Variants in FAM135B observed in about 807,000 individuals in gnomAD.
FAM135B encodes the protein protein FAM135B.
In FAM135B, 43 loss-of-function variants were observed where a neutral mutation model predicts 127.7. The ratio of observed to expected loss-of-function variants is 0.34; its 90% confidence interval spans 0.26 to 0.43. The LOEUF is 0.43. Among genes scored for constraint, FAM135B ranks in the 20% least tolerant of loss-of-function variants. FAM135B has a pLI of 1.00. For synonymous variants in FAM135B, 670 were observed against 665.1 expected (o/e 1.01, Z -0.11); for missense variants, 1,558 against 1,725.6 (o/e 0.90, Z 1.72).
intron 1 of FAM135B, among the ~76,000 whole-genome samples, chr8:138,384,886 G>A (rs1443290199): frequency 1.3e-5 from 2 of 152,040 alleles, no homozygotes; most frequent in Admixed American, 6.6e-5. Flanking sequence ...TCACTCAGCA[G>A]CAGAGGGGAT....
intron 2 of FAM135B, among the ~76,000 whole-genome samples, chr8:138,332,554 C>G (rs188941161): frequency 6.6e-6 from 1 of 152,194 alleles, no homozygotes; most frequent in East Asian, 1.9e-4. Context: ...AAAGATCACA[C>G]TCTTCCTCAC....
intron 6 of FAM135B, among the ~76,000 whole-genome samples, chr8:138,249,649 G>A (rs1278452537): frequency 1.3e-5 from 2 of 151,996 alleles, no homozygotes; most frequent in African/African-American, 4.8e-5. Flanking sequence ...GGTCAGATTG[G>A]GTAACTAATT....
At chr8:138,214,148 CT>C (rs1196517439) in intron 7 of FAM135B, among the ~76,000 whole-genome samples, 1 of 152,102 alleles carries the variant, frequency 6.6e-6, no homozygotes, top group East Asian at 1.9e-4. Context: ...TTGCCCCTGG[CT>C]TTTTTTCAAC....
chr8:138,425,964 C>CATAT (rs11271386), intron 1 of FAM135B, among the ~76,000 whole-genome samples: 1,147 of 109,540 alleles, frequency 0.01, 9 homozygotes, highest in South Asian at 0.016. Context: ...GCCAGGCCAA[C>CATAT]ATATATATAT....
chr8:138,265,054 A>G (rs1822809249), intron 4 of FAM135B, among the ~76,000 whole-genome samples: 1 of 152,208 alleles, frequency 6.6e-6, no homozygotes, highest in Non-Finnish European at 1.5e-5. Flanking sequence ...GAAATTTTCA[A>G]TCAAGTTTCC....
At chr8:138,309,217 C>A (rs1247065410) in intron 3 of FAM135B, among the ~76,000 whole-genome samples, 1 of 152,096 alleles carries the variant, frequency 6.6e-6, no homozygotes, top group African/African-American at 2.4e-5. Context: ...CTGTGGACAT[C>A]AGGGACCTTC....
intron 11 of FAM135B, among the ~76,000 whole-genome samples, chr8:138,168,726 T>C (rs960686410): frequency 5.9e-5 from 9 of 152,352 alleles, no homozygotes; most frequent in African/African-American, 1.7e-4. Context: ...AAAGTGTGTA[T>C]TCCCTTCTCA....
intron 1 of FAM135B, among the ~76,000 whole-genome samples, chr8:138,413,305 C>A (rs1833963005): frequency 6.6e-6 from 1 of 152,028 alleles, no homozygotes. Flanking sequence ...TCTCATCACC[C>A]TTTCATACTT....
rs182909492 is a variant in FAM135B at position 138,153,099 on chromosome 8, T to C, written c.1376A>G (p.Asp459Gly). The C allele has an allele frequency of 2.1e-4, 340 of 1,614,092 alleles. No individual in the cohort carries two copies. In the African/African-American group the frequency reaches 3.9e-3, roughly 19 times the overall value. ...MVNSNLSFRE[D>G]LVLSTIKPSQ... The stretch of plus-strand genomic sequence containing the variant: ...TGGTTTTATGGTAGACAAGACAAGG[T>C]CTTCCCTAAAAGATAAATTGCTATT... Residue 459 changes from aspartate to glycine, a missense_variant, in exon 13 of 20, where the codon GAC becomes GGC. By Grantham distance (94) the Asp-to-Gly change is moderately conservative. Around this residue, in one of 5 missense-constraint regions of FAM135B, gnomAD observed 923 missense variants for 865.3 expected, o/e 1.07. Transcript: ENST00000395297.
intron 1 of FAM135B, among the ~76,000 whole-genome samples, chr8:138,446,290 A>T (rs190838999): frequency 0.058 from 8,881 of 152,224 alleles, 846 homozygotes; most frequent in African/African-American, 0.2. Context: ...TCTTCACAGA[A>T]TTGGAAAAAA....
rs140196563 is a variant in FAM135B, at chr8:138,394,694, C to T, written c.-19-26692G>A. 7.7e-3 allele frequency among the ~76,000 whole-genome samples: 1,150 copies of T among 149,430 alleles called. 20 individuals are homozygous for T. The highest frequency in any genetic ancestry group is 0.026 in the African/African-American group (1,028 of 38,846). ...TCTGAGTCCTCTGCATGAGTTCTCT[C>T]GACCCCACAACAGGCCTGTGTGAGT... On this transcript the variant is annotated intron_variant, in intron 1 of 19. Transcript: ENST00000395297.
chr8:138,448,805 A>C (rs912060978), intron 1 of FAM135B, among the ~76,000 whole-genome samples: 20 of 151,684 alleles, frequency 1.3e-4, no homozygotes, highest in African/African-American at 4.3e-4. Context: ...AAAAAAAAAA[A>C]GCTAGGAATC....
intron 7 of FAM135B, among the ~76,000 whole-genome samples, chr8:138,207,023 T>C (rs2129758138): frequency 6.6e-6 from 1 of 152,286 alleles, no homozygotes; most frequent in South Asian, 2.1e-4. Flanking sequence ...AAGCGAGTGT[T>C]GAGTGATCAC....
intron 1 of FAM135B, among the ~76,000 whole-genome samples, chr8:138,405,782 T>C (rs1833446357): frequency 6.6e-6 from 1 of 152,062 alleles, no homozygotes; most frequent in Non-Finnish European, 1.5e-5. Flanking sequence ...CCCTGAGGAA[T>C]CGCCACACTG....
chr8:138,227,995 C>T (rs1044428214), intron 7 of FAM135B, among the ~76,000 whole-genome samples: 3 of 152,172 alleles, frequency 2.0e-5, no homozygotes, highest in Admixed American at 1.3e-4. Flanking sequence ...GAAGGTTGTA[C>T]ATTATAGCTT....
chr8:138,405,048 C>T (rs966471153), intron 1 of FAM135B, among the ~76,000 whole-genome samples: 1 of 152,104 alleles, frequency 6.6e-6, no homozygotes, highest in Non-Finnish European at 1.5e-5. Context: ...TATAGCCTCA[C>T]TAAATGTATT....
At chr8:138,332,846 T>C (rs1828288840) in intron 2 of FAM135B, among the ~76,000 whole-genome samples, 1 of 152,066 alleles carries the variant, frequency 6.6e-6, no homozygotes, top group African/African-American at 2.4e-5. Flanking sequence ...GTGTGGTGCT[T>C]CTTCAGGGAG....
intron 10 of FAM135B, among the ~76,000 whole-genome samples, 171 bp from the exon 11 acceptor site, chr8:138,177,591 T>C (rs574250917): frequency 2.6e-5 from 4 of 152,284 alleles, no homozygotes; most frequent in Admixed American, 2.0e-4. Context: ...TCCAAACTGA[T>C]CTCTCTCCTT....
In FAM135B at chr8:138,243,017, G is replaced by A. The variant is rs369702684; in HGVS notation, c.594C>T (p.Thr198=). 90 of 1,613,574 alleles carry A rather than the reference G, an allele frequency of 5.6e-5. No individual in the cohort carries two copies. Among genetic ancestry groups the A allele is most frequent in the Middle Eastern group, 3.3e-4 (2 of 6,082 alleles). Residue 198 remains threonine (T), a synonymous_variant, in exon 7 of 20, where the codon ACC becomes ACT. Transcript: ENST00000395297. This position sits in a 1 kb window ranked among gnomAD's most constrained non-coding sequence, Gnocchi z 7.5. ...GSWLGKGGPD[T]GQEQSIISLE... is the part of the protein sequence containing the mutation. ...GAGAAATGATAGACTGTTCTTGTCCGGTGTCTGGGCCACCTTTACCAAGCC... is the reference window on the plus strand; with the variant it reads ...GAGAAATGATAGACTGTTCTTGTCCAGTGTCTGGGCCACCTTTACCAAGCC...
Sources: gnomAD v4.1 joint callset for allele counts (sites outside exome capture counted in the v4.1 genomes callset) on GRCh38, gnomAD v4.1.1 for gene constraint, gnomAD v4.1.1 regional missense constraint, Gnocchi (gnomAD v3.1) non-coding constraint, MANE v1.5 for transcripts, NCBI Gene and HGNC (gene_info 2026-07-23, HGNC 2026-07-21) for gene names.